Variants in WSCD1 observed in about 807,000 individuals in gnomAD.
The protein encoded by WSCD1 is WSC domain sialate O sulfotransferase 1, also known as sialate:O-sulfotransferase 1.
Under a neutral mutation model 60.4 loss-of-function variants are expected in WSCD1, and 41 were observed. The observed-to-expected ratio is 0.68, with a 90% CI of 0.53 to 0.88. The LOEUF (loss-of-function observed/expected upper bound fraction) is 0.88. Among genes scored for constraint, WSCD1 ranks in the 40% least tolerant of loss-of-function variants. The probability of loss-of-function intolerance (pLI) is 0.00; values close to 1 mark genes in which losing one functional copy is unlikely to be tolerated. For synonymous variants in WSCD1, 361 were observed against 332.5 expected (o/e 1.09, Z -0.93); for missense variants, 784 against 796.2 (o/e 0.98, Z 0.18).
At chr17:6,105,541 G>A (rs985424590) in intron 5 of WSCD1, among the ~76,000 whole-genome samples, 6 of 152,144 alleles carry the variant, frequency 3.9e-5, no homozygotes, top group African/African-American at 1.2e-4. Context: ...GCTGAAAATT[G>A]TACTGTGTTT....
intron 6 of WSCD1, 25 bp downstream of exon 6, chr17:6,109,791 A>C: frequency 6.2e-7 from 1 of 1,602,074 alleles, no homozygotes; most frequent in Non-Finnish European, 8.5e-7. Context: ...CCCGACTGGT[A>C]GTGGCATTTG....
intron 5 of WSCD1, 48 bp from the exon 6 acceptor site, chr17:6,109,559 A>G (rs1332819493): frequency 1.3e-6 from 2 of 1,594,346 alleles, no homozygotes; most frequent in Non-Finnish European, 8.6e-7. Flanking sequence ...GGGAAGCATG[A>G]CCCTCAAATT....
chr17:6,109,540 C>G, intron 5 of WSCD1, 67 bp from the exon 6 acceptor site: 1 of 1,573,256 alleles, frequency 6.4e-7, no homozygotes, highest in South Asian at 1.2e-5. Flanking sequence ...CATCCCATTC[C>G]TGAGCCCTGG....
At chr17:6,089,077 C>T (rs1013474555) in intron 3 of WSCD1, among the ~76,000 whole-genome samples, 6 of 152,218 alleles carry the variant, frequency 3.9e-5, no homozygotes, top group Non-Finnish European at 5.9e-5. Context: ...CCACCACACC[C>T]GGCCTCACCT....
In WSCD1 at chr17:6,080,196, G is replaced by A; in HGVS notation, c.-288-175G>A. The A allele has an allele frequency of 5.6e-6, 1 of 179,774 alleles. No individual in the cohort carries two copies. Among genetic ancestry groups the A allele is most frequent in the South Asian group, 1.3e-4 (1 of 7,542 alleles). 11.1% of individuals were successfully genotyped at this position (179,774 alleles called of 1,614,324 possible). On this transcript the variant is annotated intron_variant, in intron 1 of 8. Transcript: ENST00000317744. The surrounding 1 kb of genome is among the most constrained non-coding windows in gnomAD (Gnocchi z 6.6). Reference sequence around the variant, plus strand: ...CCAGCAAGGTTAAGCAACCTACCCAGTGTCACACAGCTGGCCAGTAACAAA... The same window carrying A: ...CCAGCAAGGTTAAGCAACCTACCCAATGTCACACAGCTGGCCAGTAACAAA...
intron 5 of WSCD1, among the ~76,000 whole-genome samples, chr17:6,100,529 T>A (rs1336201828): frequency 6.6e-6 from 1 of 152,242 alleles, no homozygotes; most frequent in Non-Finnish European, 1.5e-5. Flanking sequence ...TCAAACCGTC[T>A]GTACTGTTAG....
Position 6,088,124 on chromosome 17 carries a change from A to G in WSCD1, c.542+20A>G, listed in dbSNP as rs2150541555. Reference sequence around the variant, plus strand: ...TGAGCGGTGAGTGCTGGGGCCCTGGACTGTTGATTCTAGAGGCAGGAAGGT... The same window carrying G: ...TGAGCGGTGAGTGCTGGGGCCCTGGGCTGTTGATTCTAGAGGCAGGAAGGT... On this transcript the variant is annotated intron_variant, in intron 3 of 8. Coordinates refer to ENST00000317744, the MANE Select transcript of WSCD1 (RefSeq NM_015253.2). 6.2e-7 allele frequency: 1 copy of G among 1,606,022 alleles called. No individual in the cohort carries two copies. Among genetic ancestry groups the G allele is most frequent in the Non-Finnish European group, 8.5e-7 (1 of 1,172,886 alleles).
At chr17:6,105,879 G>A (rs981597569) in intron 5 of WSCD1, among the ~76,000 whole-genome samples, 3 of 152,212 alleles carry the variant, frequency 2.0e-5, no homozygotes, top group African/African-American at 4.8e-5. Flanking sequence ...TCTGATATGG[G>A]GAAGATTTGC....
intron 5 of WSCD1, among the ~76,000 whole-genome samples, chr17:6,108,655 CA>C (rs1163387835): frequency 6.6e-6 from 1 of 152,214 alleles, no homozygotes; most frequent in Non-Finnish European, 1.5e-5. Context: ...CTTAAACCTA[CA>C]AGGCAGATTT....
At chr17:6,088,209 T>A in intron 3 of WSCD1, 105 bp downstream of exon 3, 1 of 963,094 alleles carries the variant, frequency 1.0e-6, no homozygotes, top group South Asian at 1.5e-5. Flanking sequence ...CATAGCATAA[T>A]TGGAACTCAC....
At chr17:6,107,524 A>G (rs1366921527) in intron 5 of WSCD1, among the ~76,000 whole-genome samples, 1 of 151,946 alleles carries the variant, frequency 6.6e-6, no homozygotes, top group African/African-American at 2.4e-5. Flanking sequence ...AAAAAAAAAG[A>G]TCCTACATCC....
chr17:6,105,448 C>T (rs1345632141), intron 5 of WSCD1, among the ~76,000 whole-genome samples: 1 of 152,042 alleles, frequency 6.6e-6, no homozygotes, highest in Non-Finnish European at 1.5e-5. Context: ...GGGTAGGGTG[C>T]GAGAAGCAGG....
rs189299630 is a variant in WSCD1 at position 6,100,367 on chromosome 17, G to A, written c.849+5144G>A. 5.3e-5 allele frequency among the ~76,000 whole-genome samples: 8 copies of A among 152,352 alleles called. 1 individual carries two copies. The highest frequency in any genetic ancestry group is 1.9e-4 in the African/African-American group (8 of 41,586). ...AGAAGTCGACCTGTGACCTGGTTCTGGAGTTAGGGATTTCAGGTAGGGCAA... is the reference window on the plus strand; with the variant it reads ...AGAAGTCGACCTGTGACCTGGTTCTAGAGTTAGGGATTTCAGGTAGGGCAA... On this transcript the variant is annotated intron_variant, in intron 5 of 8. Transcript: ENST00000317744.
Position 6,090,490 on chromosome 17 carries a change from C to G in WSCD1, c.712C>G (p.Pro238Ala), listed in dbSNP as rs1266223371. 1 of 1,612,680 alleles carries G rather than the reference C, an allele frequency of 6.2e-7. No homozygotes were observed. The highest frequency in any genetic ancestry group is 1.1e-5 in the South Asian group (1 of 90,818). ...CGTGTACCGTGTGGACGAGCTGCAG[C>G]CGGGCTCCAGGAAGCGTGAGTGTGC... is the stretch of plus-strand genomic sequence containing the variant. ...LSVYRVDELQ[P>A]GSRKRRTATY... Residue 238 changes from proline to alanine, a missense_variant, in exon 4 of 9, where the codon CCG (proline) becomes GCG (alanine). By Grantham distance (27) the Pro-to-Ala change is conservative. Coordinates refer to ENST00000317744, the MANE Select transcript of WSCD1 (RefSeq NM_015253.2).
At chr17:6,097,161 G>T (rs1488053357) in intron 5 of WSCD1, among the ~76,000 whole-genome samples, 1 of 152,244 alleles carries the variant, frequency 6.6e-6, no homozygotes, top group Non-Finnish European at 1.5e-5. Context: ...CACAGCCCGT[G>T]GTTTTACACA....
At chr17:6,079,637 C>T (rs972285441) in intron 1 of WSCD1, among the ~76,000 whole-genome samples, 50 of 152,316 alleles carry the variant, frequency 3.3e-4, no homozygotes, top group African/African-American at 1.0e-3. Flanking sequence ...GCCCCTCCCT[C>T]CCCTGGGCCC....
chr17:6,087,237 C>T lies in WSCD1; in HGVS notation c.428-753C>T, dbSNP rs557653947. On this transcript the variant is annotated intron_variant, in intron 2 of 8. Transcript: ENST00000317744. ...ATCTCTGGGAGATGTCTCCCTCCCT[C>T]GGGGTGGCAGGGCAGGGCTGTGACA... is the stretch of plus-strand genomic sequence containing the variant. Among the ~76,000 whole-genome samples, 8 of 152,336 alleles carry T rather than the reference C, an allele frequency of 5.3e-5. No individual in the cohort carries two copies. The South Asian group carries it at 8.3e-4, about 16-fold the overall frequency.
intron 2 of WSCD1, among the ~76,000 whole-genome samples, chr17:6,087,382 G>A (rs1909724419): frequency 6.6e-6 from 1 of 152,332 alleles, no homozygotes; most frequent in African/African-American, 2.4e-5. Flanking sequence ...ACTTGGCCCT[G>A]TTGTTTCCCA....
At chr17:6,112,303 C>G (rs181371616) in intron 7 of WSCD1, among the ~76,000 whole-genome samples, 20 of 152,184 alleles carry the variant, frequency 1.3e-4, no homozygotes, top group Non-Finnish European at 1.5e-4. Flanking sequence ...GGGAACGTAC[C>G]TCACCACAAT....
Sources: allele counts gnomAD v4.1 joint callset (sites outside exome capture counted in the v4.1 genomes callset), GRCh38; gene constraint gnomAD v4.1.1; non-coding constraint Gnocchi (gnomAD v3.1); transcripts MANE v1.5; gene names NCBI Gene and HGNC (gene_info 2026-07-23, HGNC 2026-07-21).